PDE8A: variants seen among roughly 807,000 people sequenced by gnomAD.
PDE8A encodes phosphodiesterase 8A, also known as high affinity cAMP-specific and IBMX-insensitive 3',5'-cyclic phosphodiesterase 8A.
In PDE8A, 59 loss-of-function variants were observed where a neutral mutation model predicts 105.0. The observed-to-expected ratio is 0.56, with a 90% CI of 0.46 to 0.70. The LOEUF is 0.70. Among genes scored for constraint, PDE8A ranks in the 30% least tolerant of loss-of-function variants. The pLI is 0.00. For synonymous variants in PDE8A, 355 were observed against 371.9 expected (o/e 0.95, Z 0.52); for missense variants, 1,014 against 1,045.9 (o/e 0.97, Z 0.42).
chr15:84,986,624 T>C (rs895477525), intron 1 of PDE8A, among the ~76,000 whole-genome samples: 2 of 152,026 alleles, frequency 1.3e-5, no homozygotes, highest in African/African-American at 4.8e-5. Context: ...ACTTTTTTTT[T>C]TTTTTTAAGA....
chr15:85,090,661 G>A, intron 7 of PDE8A: 1 of 381,960 alleles, frequency 2.6e-6, no homozygotes, highest in East Asian at 7.4e-5. Flanking sequence ...TGAGTGTTTT[G>A]CACTCTACCT....
At chr15:85,057,515 G>A (rs1391028344) in intron 1 of PDE8A, among the ~76,000 whole-genome samples, 1 of 152,118 alleles carries the variant, frequency 6.6e-6, no homozygotes, top group Non-Finnish European at 1.5e-5. Context: ...TCCCTGCTCT[G>A]GCTCATGCTC....
At chr15:84,990,623 T>C (rs544597139) in intron 1 of PDE8A, among the ~76,000 whole-genome samples, 1 of 152,344 alleles carries the variant, frequency 6.6e-6, no homozygotes, top group South Asian at 2.1e-4. Flanking sequence ...ACTTATCTAT[T>C]CTTTTGTTAT....
At chr15:85,001,720 G>A (rs2080070403) in intron 1 of PDE8A, among the ~76,000 whole-genome samples, 1 of 152,162 alleles carries the variant, frequency 6.6e-6, no homozygotes, top group Admixed American at 6.5e-5. Context: ...GTTGGATTAT[G>A]AGATCACAGT....
chr15:85,103,296 C>A (rs563472731), intron 11 of PDE8A, among the ~76,000 whole-genome samples: 62 of 152,314 alleles, frequency 4.1e-4, no homozygotes, highest in African/African-American at 1.4e-3. Flanking sequence ...GAGGCAGAGT[C>A]AGTGATGCAG....
At chr15:85,105,199 G>T (rs1296115536) in intron 11 of PDE8A, among the ~76,000 whole-genome samples, 1 of 152,026 alleles carries the variant, frequency 6.6e-6, no homozygotes, top group East Asian at 1.9e-4. Flanking sequence ...ATTGTTAGAG[G>T]CCTCATAGAT....
At chr15:84,992,530 G>T (rs1215211547) in intron 1 of PDE8A, among the ~76,000 whole-genome samples, 1 of 152,118 alleles carries the variant, frequency 6.6e-6, no homozygotes, top group Non-Finnish European at 1.5e-5. Context: ...GGATAAACAT[G>T]TTTCATGAAG....
chr15:84,989,088 A>C (rs1225402000), intron 1 of PDE8A, among the ~76,000 whole-genome samples: 1 of 152,242 alleles, frequency 6.6e-6, no homozygotes, highest in Non-Finnish European at 1.5e-5. Context: ...AGTTAGGGTT[A>C]AGCAATGTTC....
upstream of PDE8A, among the ~76,000 whole-genome samples, chr15:84,981,512 G>T (rs557157688): frequency 9.2e-5 from 14 of 152,294 alleles, no homozygotes; most frequent in South Asian, 2.3e-3. Flanking sequence ...GGCGGACGTG[G>T]CCCGGCCGCT....
intron 1 of PDE8A, among the ~76,000 whole-genome samples, chr15:85,010,409 A>G (rs1471409798): frequency 1.3e-5 from 2 of 152,204 alleles, no homozygotes; most frequent in Non-Finnish European, 2.9e-5. Flanking sequence ...TTTTTGCAAA[A>G]TAATACTCAT....
At chr15:84,990,346 A>G (rs1270604047) in intron 1 of PDE8A, among the ~76,000 whole-genome samples, 1 of 152,202 alleles carries the variant, frequency 6.6e-6, no homozygotes, top group East Asian at 1.9e-4. Context: ...GAATTACACA[A>G]TATTATAATC....
chr15:85,052,289 G>T (rs2080988544), intron 1 of PDE8A, among the ~76,000 whole-genome samples: 1 of 152,232 alleles, frequency 6.6e-6, no homozygotes, highest in Non-Finnish European at 1.5e-5. Context: ...ACATATGTGT[G>T]CATGTGTCTT....
At chr15:85,049,697 G>A (rs1468957653) in intron 1 of PDE8A, among the ~76,000 whole-genome samples, 2 of 152,156 alleles carry the variant, frequency 1.3e-5, no homozygotes, top group South Asian at 2.1e-4. Context: ...GCAGGCACAC[G>A]CCACCACTCC....
chr15:85,008,480 A>C (rs557179589), intron 1 of PDE8A, among the ~76,000 whole-genome samples: 2 of 151,940 alleles, frequency 1.3e-5, no homozygotes, highest in Non-Finnish European at 2.9e-5. Flanking sequence ...AGTTGGAGAA[A>C]GTTGAAGTCA....
In PDE8A at chr15:85,083,548, G is replaced by T; in HGVS notation, c.547-8G>T. ...GTTTATCCACAAAATTCCTCTTTCT[G>T]TTTGTAGAGGTATGTAGAAAACCCC... On this transcript the variant is annotated splice_polypyrimidine_tract_variant and splice_region_variant and intron_variant, in intron 5 of 21. Coordinates refer to ENST00000394553, the MANE Select transcript of PDE8A (RefSeq NM_002605.3). The T allele has an allele frequency of 1.3e-6, 2 of 1,581,696 alleles. No homozygotes were observed. Among genetic ancestry groups the T allele is most frequent in the Non-Finnish European group, 1.7e-6 (2 of 1,151,264 alleles).
At position 85,008,496 on chromosome 15, in the gene PDE8A, G is replaced by T. The variant is rs765290338; in HGVS notation, c.186+26148G>T. On this transcript the variant is annotated intron_variant, in intron 1 of 21. Coordinates refer to ENST00000394553, the MANE Select transcript of PDE8A (RefSeq NM_002605.3). Reference sequence around the variant, plus strand: ...GTTGGAGAAAGTTGAAGTCATTCTAGTTCCACACTCTGGGCCCCATTTTTA... The same window carrying T: ...GTTGGAGAAAGTTGAAGTCATTCTATTTCCACACTCTGGGCCCCATTTTTA... Among the ~76,000 whole-genome samples the T allele has an allele frequency of 7.4e-4, 112 of 151,848 alleles. 1 individual carries two copies. Among genetic ancestry groups the T allele is most frequent in the African/African-American group, 6.1e-4 (25 of 41,292 alleles).
intron 20 of PDE8A, among the ~76,000 whole-genome samples, chr15:85,135,901 A>T (rs2082401892): frequency 6.6e-6 from 1 of 152,080 alleles, no homozygotes. Flanking sequence ...GGGTGTTCAG[A>T]ACCTTTTCAA....
At chr15:85,013,560 A>T (rs1567228844) in intron 1 of PDE8A, among the ~76,000 whole-genome samples, 1 of 152,204 alleles carries the variant, frequency 6.6e-6, no homozygotes, top group Non-Finnish European at 1.5e-5. Context: ...GTCTGTAATT[A>T]CTCAACTTAG....
Position 85,067,052 on chromosome 15 carries a change from T to A in PDE8A, c.282T>A (p.Asn94Lys). The A allele has an allele frequency of 6.8e-6, 11 of 1,612,756 alleles. No individual in the cohort carries two copies. The highest frequency in any genetic ancestry group is 8.5e-6 in the Non-Finnish European group (10 of 1,179,248). The change falls in exon 3 of 22, where the codon AAT becomes AAA. Residue 94 changes from asparagine to lysine, a missense_variant. Asn to Lys is a moderately conservative substitution (Grantham distance 94). Coordinates refer to ENST00000394553, the MANE Select transcript of PDE8A (RefSeq NM_002605.3). ...TTACCAAAGAAGATAACCAATGTAA[T>A]GGATTCTGCAGGGCATGTGAAAAAG... ...LVFTKEDNQCNGFCRACEKAG... is the reference protein window; with the variant it reads ...LVFTKEDNQCKGFCRACEKAG...
Sources: gnomAD v4.1 joint callset for allele counts (sites outside exome capture counted in the v4.1 genomes callset) on GRCh38, gnomAD v4.1.1 for gene constraint, MANE v1.5 for transcripts, NCBI Gene and HGNC (gene_info 2026-07-23, HGNC 2026-07-21) for gene names.